Variants in ARHGEF10 observed in about 807,000 individuals in gnomAD.
ARHGEF10 encodes the protein Rho guanine nucleotide exchange factor (GEF) 10.
ARHGEF10 carries 140 observed loss-of-function variants against 147.4 expected under a neutral mutation model. The ratio of observed to expected loss-of-function variants is 0.95; its 90% CI spans 0.83 to 1.09. ARHGEF10 has a LOEUF of 1.09. Among genes scored for constraint, ARHGEF10 ranks in the 50% least tolerant of loss-of-function variants. The pLI is 0.00. For missense variants in ARHGEF10, 2,222 were observed against 1,752.7 expected (o/e 1.27, Z -4.78); for synonymous variants, 902 against 695.8 (o/e 1.30, Z -4.67).
At chr8:1,892,993 T>C (rs1809670172) in intron 11 of ARHGEF10, among the ~76,000 whole-genome samples, 1 of 151,080 alleles carries the variant, frequency 6.6e-6, no homozygotes, top group Non-Finnish European at 1.5e-5. Context: ...CATGTCAGAT[T>C]GTAGAGATTT....
intron 20 of ARHGEF10, 73 bp downstream of exon 20, chr8:1,923,668 A>G: frequency 1.2e-6 from 2 of 1,613,964 alleles, no homozygotes; most frequent in Admixed American, 1.7e-5. Flanking sequence ...CATGACATGT[A>G]TGTTTTTTGG....
chr8:1,839,121 T>G (rs894218033), intron 1 of ARHGEF10, among the ~76,000 whole-genome samples: 1 of 150,940 alleles, frequency 6.6e-6, no homozygotes, highest in African/African-American at 2.4e-5. Flanking sequence ...GTGTGGGGAC[T>G]GTCTGGTGTG....
At chr8:1,908,227 ATTTTTT>A (rs11288174) in intron 17 of ARHGEF10, among the ~76,000 whole-genome samples, 3 of 110,078 alleles carry the variant, frequency 2.7e-5, no homozygotes, top group African/African-American at 1.1e-4. Flanking sequence ...CCACACTTTG[ATTTTTT>A]TTTTTTTTTT....
chr8:1,835,818 A>G (rs1756097130), intron 1 of ARHGEF10, among the ~76,000 whole-genome samples: 1 of 152,226 alleles, frequency 6.6e-6, no homozygotes. Flanking sequence ...CGCACACGGC[A>G]TGAAACGGTC....
chr8:1,920,422 G>A (rs925538953), intron 18 of ARHGEF10, among the ~76,000 whole-genome samples: 3 of 151,326 alleles, frequency 2.0e-5, no homozygotes, highest in South Asian at 2.1e-4. Context: ...TCCTTGGCTC[G>A]AGCGATCTTC....
chr8:1,864,243 A>G (rs571338807), intron 4 of ARHGEF10, 130 bp from the exon 5 acceptor site: 30 of 902,172 alleles, frequency 3.3e-5, no homozygotes, highest in African/African-American at 5.0e-5. Context: ...AAGTTTATTA[A>G]TCACCCTTAT....
Position 1,894,577 on chromosome 8 carries a change from T to C in ARHGEF10, c.1440+5T>C, listed in dbSNP as rs1477427369. On this transcript the variant is annotated splice_donor_5th_base_variant and intron_variant, in intron 13 of 28. Transcript: ENST00000349830. ...GGCGATGTCTTCGTGGCTTCGGTAA[T>C]TAAGCTGGGACACCTGGATGTCCAT... is the stretch of plus-strand genomic sequence containing the variant. The C allele has an allele frequency of 2.5e-6, 4 of 1,613,906 alleles. No homozygotes were observed. In the Admixed American group the frequency reaches 5.0e-5, roughly 20 times the overall value.
At chr8:1,837,796 G>C (rs149669597) in intron 1 of ARHGEF10, among the ~76,000 whole-genome samples, 2 of 152,270 alleles carry the variant, frequency 1.3e-5, no homozygotes, top group Middle Eastern at 3.4e-3. Context: ...CGGCTGCGTC[G>C]TATTACTAAT....
chr8:1,877,087 G>A (rs115577918), intron 8 of ARHGEF10, among the ~76,000 whole-genome samples: 2 of 152,228 alleles, frequency 1.3e-5, no homozygotes, highest in Non-Finnish European at 2.9e-5. Flanking sequence ...TGGGATCGGG[G>A]TTCCCTAAGA....
intron 12 of ARHGEF10, 26 bp downstream of exon 12, chr8:1,893,672 A>G (rs1284290579): frequency 1.4e-6 from 2 of 1,456,660 alleles, no homozygotes; most frequent in South Asian, 1.1e-5. Flanking sequence ...GTTACATAAT[A>G]CATACATTTC....
chr8:1,850,505 C>G (rs1293982233), intron 2 of ARHGEF10, among the ~76,000 whole-genome samples: 1 of 145,852 alleles, frequency 6.9e-6, no homozygotes, highest in African/African-American at 2.6e-5. Flanking sequence ...ATGGGCCACC[C>G]GCGTGGACAC....
At chr8:1,868,963 G>A (rs1469478316) in intron 6 of ARHGEF10, among the ~76,000 whole-genome samples, 1 of 151,950 alleles carries the variant, frequency 6.6e-6, no homozygotes, top group African/African-American at 2.4e-5. Context: ...AAATTATTCT[G>A]CCCTAAAAAT....
intron 8 of ARHGEF10, among the ~76,000 whole-genome samples, chr8:1,878,389 A>T (rs955310381): frequency 6.6e-6 from 1 of 151,820 alleles, no homozygotes; most frequent in African/African-American, 2.4e-5. Flanking sequence ...GTTTCACCAT[A>T]TTGGCCAGGC....
At chr8:1,947,044 G>C (rs1814647524) in intron 27 of ARHGEF10, among the ~76,000 whole-genome samples, 1 of 152,266 alleles carries the variant, frequency 6.6e-6, no homozygotes, top group Non-Finnish European at 1.5e-5. Context: ...GGCTCAGAAA[G>C]CAGACGCTCT....
intron 28 of ARHGEF10, among the ~76,000 whole-genome samples, chr8:1,955,001 G>A (rs1410435594): frequency 7.0e-6 from 1 of 143,766 alleles, no homozygotes; most frequent in East Asian, 2.0e-4. Flanking sequence ...CTGGAGGATA[G>A]CCAGGTGCTC....
Position 1,909,418 on chromosome 8 carries a change from C to G in ARHGEF10, c.2091C>G (p.His697Gln). The change falls in exon 18 of 29, where the codon CAC becomes CAG. Residue 697 changes from histidine to glutamine, a missense_variant. Physicochemically the swap from His to Gln is conservative, Grantham distance 24 (BLOSUM62 0). Coordinates refer to ENST00000349830, the MANE Select transcript of ARHGEF10 (RefSeq NM_014629.4). ...CAGGCACGGGCGAGCACAGCAGGCA[C>G]CTTGCCGTTCACCCGCCGGAGAGCC... ...SSAGTGEHSR[H>Q]LAVHPPESLA... is the part of the protein sequence containing the mutation. 3.1e-6 allele frequency: 5 copies of G among 1,614,132 alleles called. No individual in the cohort carries two copies. Among genetic ancestry groups the G allele is most frequent in the Non-Finnish European group, 4.2e-6 (5 of 1,180,048 alleles).
At chr8:1,946,718 G>A (rs1814624558) in intron 27 of ARHGEF10, among the ~76,000 whole-genome samples, 1 of 152,124 alleles carries the variant, frequency 6.6e-6, no homozygotes, top group African/African-American at 2.4e-5. Context: ...TTTATGATAC[G>A]TTGAAAAAAA....
intron 17 of ARHGEF10, among the ~76,000 whole-genome samples, chr8:1,908,775 T>G (rs2129182776): frequency 7.0e-6 from 1 of 143,662 alleles, no homozygotes; most frequent in South Asian, 2.3e-4. Context: ...AAGAAAATAA[T>G]CTGTATAAGT....
At chr8:1,842,612 C>T (rs1040158956) in intron 1 of ARHGEF10, among the ~76,000 whole-genome samples, 2 of 152,204 alleles carry the variant, frequency 1.3e-5, no homozygotes, top group Non-Finnish European at 2.9e-5. Context: ...AGAGCCTGGT[C>T]CCTGGCACTG....
Sources: gnomAD v4.1 joint callset for allele counts (sites outside exome capture counted in the v4.1 genomes callset) on GRCh38, gnomAD v4.1.1 for gene constraint, MANE v1.5 for transcripts, NCBI Gene and HGNC (gene_info 2026-07-23, HGNC 2026-07-21) for gene names.